STEAP3: variants seen among roughly 807,000 people sequenced by gnomAD.
STEAP3 encodes metalloreductase STEAP3.
Under a neutral mutation model 34.9 loss-of-function variants are expected in STEAP3, and 35 were observed. The ratio of observed to expected loss-of-function variants is 1.00; its 90% CI spans 0.76 to 1.33. STEAP3 has a LOEUF of 1.33. Among genes scored for constraint, STEAP3 ranks in the 40% most tolerant of loss-of-function variants. The pLI is 0.00. For synonymous variants in STEAP3, 281 were observed against 301.6 expected (o/e 0.93, Z 0.71); for missense variants, 652 against 667.6 (o/e 0.98, Z 0.26).
At chr2:119,248,301 G>A in intron 4 of STEAP3, 95 bp downstream of exon 4, 24 of 1,405,958 alleles carry the variant, frequency 1.7e-5, no homozygotes, top group Non-Finnish European at 2.3e-5. Context: ...GATACCCACG[G>A]GTGCAGCCTT....
chr2:119,254,602 C>T, intron 4 of STEAP3, 82 bp from the exon 5 acceptor site: 1 of 1,554,806 alleles, frequency 6.4e-7, no homozygotes, highest in Non-Finnish European at 8.8e-7. Context: ...GCCGTCTTGT[C>T]TTTCTTGTGT....
At chr2:119,254,599 T>C in intron 4 of STEAP3, 85 bp from the exon 5 acceptor site, 1 of 1,535,268 alleles carries the variant, frequency 6.5e-7, no homozygotes, top group Non-Finnish European at 9.0e-7. Flanking sequence ...CCCGCCGTCT[T>C]GTCTTTCTTG....
Position 119,245,984 on chromosome 2 carries a change from G to A in STEAP3, c.518G>A (p.Arg173Lys). The change falls in exon 3 of 6, where the codon AGG (arginine) becomes AAG (lysine). Residue 173 changes from arginine to lysine, a missense_variant. By Grantham distance (26) the Arg-to-Lys change is conservative. Coordinates refer to ENST00000393110, the MANE Select transcript of STEAP3 (RefSeq NM_182915.3). Reference sequence around the variant, plus strand: ...CAGGCTGGCCCAAGGGATGGTAACAGGCAGGTAGGTTCTGGGGGAATAATA... The same window carrying A: ...CAGGCTGGCCCAAGGGATGGTAACAAGCAGGTAGGTTCTGGGGGAATAATA... The part of the protein sequence containing the change: ...TLQAGPRDGN[R>K]QVPICGDQPE... 2 of 1,611,050 alleles carry A rather than the reference G, an allele frequency of 1.2e-6. No homozygotes were observed. The highest frequency in any genetic ancestry group is 1.7e-6 in the Non-Finnish European group (2 of 1,178,194).
chr2:119,262,213 T>C (rs1177826391), intron 5 of STEAP3, among the ~76,000 whole-genome samples: 1 of 152,208 alleles, frequency 6.6e-6, no homozygotes, highest in African/African-American at 2.4e-5. Context: ...TTAAAATCAA[T>C]CCACTTTTTG....
intron 4 of STEAP3, among the ~76,000 whole-genome samples, chr2:119,251,968 G>A (rs186582810): frequency 8.6e-5 from 13 of 152,028 alleles, no homozygotes; most frequent in Admixed American, 3.9e-4. Context: ...CTTCATACCC[G>A]ACTCAGAGGT....
intron 2 of STEAP3, among the ~76,000 whole-genome samples, chr2:119,243,667 G>C (rs1462291078): frequency 6.6e-6 from 1 of 152,192 alleles, no homozygotes; most frequent in African/African-American, 2.4e-5. Context: ...AAAAATCACA[G>C]TTTCAAAAAC....
At chr2:119,260,092 C>T (rs1181547359) in intron 5 of STEAP3, among the ~76,000 whole-genome samples, 1 of 152,174 alleles carries the variant, frequency 6.6e-6, no homozygotes, top group African/African-American at 2.4e-5. Flanking sequence ...TAGTATTTTA[C>T]CCAAGCTCCC....
chr2:119,228,924 T>C (rs901410578), intron 1 of STEAP3, among the ~76,000 whole-genome samples: 6 of 152,138 alleles, frequency 3.9e-5, no homozygotes, highest in Non-Finnish European at 8.8e-5. Flanking sequence ...CCAGCTCCTG[T>C]ACTCTCAAAA....
chr2:119,251,982 T>C (rs1677640744), intron 4 of STEAP3, among the ~76,000 whole-genome samples: 2 of 152,334 alleles, frequency 1.3e-5, no homozygotes, highest in South Asian at 4.1e-4. Flanking sequence ...CAGAGGTCCA[T>C]GACTGGGTCT....
intron 5 of STEAP3, chr2:119,257,753 C>T (rs914798286): frequency 4.3e-6 from 6 of 1,380,256 alleles, no homozygotes; most frequent in Non-Finnish European, 5.6e-6. Flanking sequence ...GCCCCATCAC[C>T]CTCCCCTACA....
At chr2:119,228,158 G>T (rs945971393) in intron 1 of STEAP3, among the ~76,000 whole-genome samples, 1 of 152,208 alleles carries the variant, frequency 6.6e-6, no homozygotes, top group African/African-American at 2.4e-5. Context: ...CATCCGACTG[G>T]TGGGGTGGCC....
At chr2:119,255,568 C>G (rs944791533) in intron 5 of STEAP3, among the ~76,000 whole-genome samples, 1 of 152,190 alleles carries the variant, frequency 6.6e-6, no homozygotes, top group South Asian at 2.1e-4. Flanking sequence ...GCACCCTCCC[C>G]CTCCTTTTTT....
At chr2:119,246,399 C>G in intron 3 of STEAP3, 1 of 185,916 alleles carries the variant, frequency 5.4e-6, no homozygotes, top group South Asian at 1.2e-4. Context: ...CAAATTTTAT[C>G]GTATTTATTC....
At chr2:119,241,889 G>A (rs1677257525) in intron 2 of STEAP3, among the ~76,000 whole-genome samples, 1 of 152,204 alleles carries the variant, frequency 6.6e-6, no homozygotes, top group Non-Finnish European at 1.5e-5. Context: ...TTGTTTCGAG[G>A]TAAATCATTC....
chr2:119,257,444 G>A (rs2104844208), intron 5 of STEAP3: 1 of 1,497,962 alleles, frequency 6.7e-7, no homozygotes, highest in East Asian at 2.6e-5. Flanking sequence ...ACTGATAGGT[G>A]CGCATGCCGC....
At chr2:119,224,603 G>A (rs1332999617) in intron 1 of STEAP3, among the ~76,000 whole-genome samples, 1 of 152,206 alleles carries the variant, frequency 6.6e-6, no homozygotes, top group Non-Finnish European at 1.5e-5. Context: ...TGCGGTTTGG[G>A]GACCAGAAAG....
At chr2:119,251,754 T>C (rs900002718) in intron 4 of STEAP3, among the ~76,000 whole-genome samples, 1 of 152,058 alleles carries the variant, frequency 6.6e-6, no homozygotes, top group Non-Finnish European at 1.5e-5. Context: ...TTGGGTCCCA[T>C]ACTGTCCTCT....
At chr2:119,259,950 T>G (rs1366923785) in intron 5 of STEAP3, among the ~76,000 whole-genome samples, 1 of 152,166 alleles carries the variant, frequency 6.6e-6, no homozygotes, top group African/African-American at 2.4e-5. Flanking sequence ...AAGGGTGTGG[T>G]GACGACAGTC....
intron 5 of STEAP3, among the ~76,000 whole-genome samples, chr2:119,261,611 C>T (rs1196127357): frequency 6.6e-6 from 1 of 152,140 alleles, no homozygotes; most frequent in East Asian, 1.9e-4. Context: ...TCAGCGCTTC[C>T]CCCTCTGACT....
Sources: gnomAD v4.1 joint callset for allele counts (sites outside exome capture counted in the v4.1 genomes callset) on GRCh38, gnomAD v4.1.1 for gene constraint, MANE v1.5 for transcripts, NCBI Gene and HGNC (gene_info 2026-07-23, HGNC 2026-07-21) for gene names.